The following KIAA2012 variants were observed in gnomAD, a reference collection of about 807,000 sequenced individuals.
KIAA2012 encodes the protein uncharacterized protein KIAA2012.
Under a neutral mutation model 150.6 loss-of-function variants are expected in KIAA2012, and 125 were observed. The ratio of observed to expected loss-of-function variants is 0.83; its 90% CI spans 0.72 to 0.96. KIAA2012 has a LOEUF of 0.96. Among genes scored for constraint, KIAA2012 ranks in the 40% least tolerant of loss-of-function variants. The pLI is 0.00. For missense variants in KIAA2012, 1,219 were observed against 1,354.9 expected (o/e 0.90, Z 1.57); for synonymous variants, 462 against 504.7 (o/e 0.92, Z 1.13).
intron 22 of KIAA2012, among the ~76,000 whole-genome samples, chr2:202,200,348 A>G (rs1692493321): frequency 6.6e-6 from 1 of 152,186 alleles, no homozygotes; most frequent in African/African-American, 2.4e-5. Context: ...ATGTATGCAG[A>G]GACAACCTAT....
At chr2:202,088,783 C>A (rs1456016182) in intron 2 of KIAA2012, among the ~76,000 whole-genome samples, 2 of 152,148 alleles carry the variant, frequency 1.3e-5, no homozygotes, top group East Asian at 3.8e-4. Context: ...TTCATTTCCC[C>A]ACAATATCGA....
rs1389341559 is a variant in KIAA2012, at chr2:202,105,752, G to T, written c.1325-9G>T. ...TCTGCTACAATTCAGCCTCCTCTTT[G>T]TCTCCTAGGTGCTCCACACCCTGAG... On this transcript the variant is annotated splice_polypyrimidine_tract_variant and intron_variant, in intron 8 of 23. Transcript: ENST00000498697. The T allele has an allele frequency of 3.9e-6, 6 of 1,548,334 alleles. No homozygotes were observed. Among genetic ancestry groups the T allele is most frequent in the East Asian group, 4.9e-5 (2 of 40,872 alleles).
At position 202,165,319 on chromosome 2, in the gene KIAA2012, A is replaced by T. The variant is rs1332846742; in HGVS notation, c.2082A>T (p.Ala694=). The T allele has an allele frequency of 1.3e-6, 2 of 1,550,470 alleles. No individual in the cohort carries two copies. Among genetic ancestry groups the T allele is most frequent in the Non-Finnish European group, 1.7e-6 (2 of 1,146,860 alleles). ...SGNALDYQEE[A]GRPLRETHHN... ...ATGCACTGGACTATCAGGAAGAAGC[A>T]GGGAGACCCCTCAGAGAAACTCACC... is the stretch of plus-strand genomic sequence containing the variant. Residue 694 remains alanine (A), a synonymous_variant, in exon 15 of 24, where the codon GCA becomes GCT. Coordinates refer to ENST00000498697, the MANE Select transcript of KIAA2012 (RefSeq NM_001277372.4).
intron 2 of KIAA2012, among the ~76,000 whole-genome samples, chr2:202,077,574 GAGAAA>G (rs770737089): frequency 2.6e-5 from 4 of 152,168 alleles, no homozygotes; most frequent in Non-Finnish European, 1.5e-5. Flanking sequence ...GAAGAAATTA[GAGAAA>G]AGAAAACGTA....
intron 15 of KIAA2012, among the ~76,000 whole-genome samples, chr2:202,174,059 A>G (rs765359279): frequency 6.6e-6 from 1 of 152,054 alleles, no homozygotes; most frequent in Non-Finnish European, 1.5e-5. Context: ...TCTGCCTCCC[A>G]GGTTCAAGCA....
chr2:202,128,439 G>GTT (rs138151145), intron 12 of KIAA2012, among the ~76,000 whole-genome samples: 7 of 145,878 alleles, frequency 4.8e-5, no homozygotes, highest in African/African-American at 1.7e-4. Context: ...CTTTTTGGGG[G>GTT]TTTTTTTTTT....
intron 15 of KIAA2012, among the ~76,000 whole-genome samples, chr2:202,174,230 G>A (rs1257686810): frequency 6.6e-6 from 1 of 152,182 alleles, no homozygotes; most frequent in African/African-American, 2.4e-5. Context: ...CTCCCAAAGT[G>A]CTGGGATTAC....
At chr2:202,084,447 A>G (rs984901915) in intron 2 of KIAA2012, among the ~76,000 whole-genome samples, 1 of 152,220 alleles carries the variant, frequency 6.6e-6, no homozygotes, top group African/African-American at 2.4e-5. Context: ...GCAACTGGCC[A>G]GAGCAAGTCC....
intron 21 of KIAA2012, among the ~76,000 whole-genome samples, chr2:202,196,513 C>T (rs572890625): frequency 6.6e-6 from 1 of 152,184 alleles, no homozygotes; most frequent in East Asian, 1.9e-4. Context: ...CCAAGTTTCT[C>T]TAGACCCTGA....
intron 22 of KIAA2012, chr2:202,201,996 C>T (rs1171960537): frequency 6.7e-6 from 4 of 598,024 alleles, no homozygotes; most frequent in Non-Finnish European, 1.2e-5. Flanking sequence ...CTAGCGTTAC[C>T]CAACGCCTGA....
intron 2 of KIAA2012, among the ~76,000 whole-genome samples, chr2:202,082,588 T>C (rs1399843708): frequency 9.5e-6 from 1 of 104,766 alleles, no homozygotes; most frequent in African/African-American, 3.7e-5. Context: ...AGGGCGAGAG[T>C]CTGTCTTTAA....
intron 13 of KIAA2012, among the ~76,000 whole-genome samples, chr2:202,145,110 T>A (rs1354947687): frequency 6.6e-6 from 1 of 152,170 alleles, no homozygotes; most frequent in South Asian, 2.1e-4. Flanking sequence ...TCCACACCAA[T>A]GCCTAAGAGA....
intron 13 of KIAA2012, among the ~76,000 whole-genome samples, chr2:202,144,756 C>T (rs1366843270): frequency 6.6e-6 from 1 of 152,122 alleles, no homozygotes; most frequent in Admixed American, 6.6e-5. Flanking sequence ...CTTTGGGAGG[C>T]CAAGGTGGGC....
intron 12 of KIAA2012, among the ~76,000 whole-genome samples, chr2:202,133,378 C>A (rs2105941761): frequency 6.6e-6 from 1 of 151,914 alleles, no homozygotes; most frequent in African/African-American, 2.4e-5. Context: ...GCTTGGTAAA[C>A]TGCCATGTGC....
Position 202,129,812 on chromosome 2 carries a change from T to A in KIAA2012, c.1831+4530T>A, listed in dbSNP as rs1690885807. On this transcript the variant is annotated intron_variant, in intron 12 of 23. Coordinates refer to ENST00000498697, the MANE Select transcript of KIAA2012 (RefSeq NM_001277372.4). ...TAGCAAGACCCTGTCTCTAAAAATA[T>A]TTAAAAAATAAATAAATAAAACATC... 2.0e-5 allele frequency among the ~76,000 whole-genome samples: 3 copies of A among 152,024 alleles called. 1 individual carries two copies. Among genetic ancestry groups the A allele is most frequent in the Non-Finnish European group, 4.4e-5 (3 of 68,026 alleles).
chr2:202,187,908 A>G (rs1692261435), intron 17 of KIAA2012, among the ~76,000 whole-genome samples: 1 of 152,208 alleles, frequency 6.6e-6, no homozygotes, highest in African/African-American at 2.4e-5. Flanking sequence ...GAGGCAGACC[A>G]TAAGTGTTTT....
chr2:202,096,903 G>C (rs559928066), intron 4 of KIAA2012, among the ~76,000 whole-genome samples: 15 of 152,314 alleles, frequency 9.8e-5, no homozygotes, highest in Middle Eastern at 6.8e-3. Flanking sequence ...GACAGGATAA[G>C]TTCAGAGAGC....
chr2:202,165,356 G>C lies in KIAA2012; in HGVS notation c.2119G>C (p.Asp707His). The C allele has an allele frequency of 1.3e-6, 2 of 1,549,458 alleles. No individual in the cohort carries two copies. Among genetic ancestry groups the C allele is most frequent in the Non-Finnish European group, 1.7e-6 (2 of 1,146,510 alleles). ...CAGAGAAACTCACCACAACGACCAA[G>C]GTACAGACCACTAGGTGGGGCTTTA... ...PLRETHHNDQ[D>H]PEPRSMTLDS... is the part of the protein sequence containing the mutation. The change falls in exon 15 of 24, where the codon GAC (aspartate) becomes CAC (histidine). Residue 707 changes from aspartate to histidine, a missense_variant and splice_region_variant. Asp to His is a moderately conservative substitution (Grantham distance 81, BLOSUM62 -1). Transcript: ENST00000498697.
chr2:202,112,275 G>T (rs964719271), intron 10 of KIAA2012, among the ~76,000 whole-genome samples: 1 of 152,068 alleles, frequency 6.6e-6, no homozygotes, highest in Non-Finnish European at 1.5e-5. Flanking sequence ...TGTTGACCAC[G>T]AATTGATAAG....
Sources: allele counts gnomAD v4.1 joint callset (sites outside exome capture counted in the v4.1 genomes callset), GRCh38; gene constraint gnomAD v4.1.1; transcripts MANE v1.5; gene names NCBI Gene and HGNC (gene_info 2026-07-23, HGNC 2026-07-21).